CLCN1: variants seen among roughly 807,000 people sequenced by gnomAD.
CLCN1 encodes the protein chloride channel protein 1.
In CLCN1, 100 loss-of-function variants were observed where a neutral mutation model predicts 114.5. The observed-to-expected ratio is 0.87, with a 90% CI of 0.74 to 1.03. CLCN1 has a LOEUF of 1.03. Among genes scored for constraint, CLCN1 ranks in the 50% least tolerant of loss-of-function variants. CLCN1 has a pLI of 0.00. For synonymous variants in CLCN1, 485 were observed against 487.1 expected (o/e 1.00, Z 0.06); for missense variants, 1,188 against 1,250.0 (o/e 0.95, Z 0.75).
chr7:143,337,698 A>G (rs1416538580), intron 12 of CLCN1, among the ~76,000 whole-genome samples: 1 of 150,380 alleles, frequency 6.6e-6, no homozygotes, highest in African/African-American at 2.4e-5. Flanking sequence ...TTTGGAAGGG[A>G]TATATAAACC....
In CLCN1 at chr7:143,324,519, A is replaced by C. The variant is rs1023920012; in HGVS notation, c.853+27A>C. The C allele has an allele frequency of 1.3e-6, 2 of 1,579,958 alleles. No homozygotes were observed. The highest frequency in any genetic ancestry group is 1.3e-5 in the African/African-American group (1 of 74,330). On this transcript the variant is annotated intron_variant, in intron 7 of 22. Coordinates refer to ENST00000343257, the MANE Select transcript of CLCN1 (RefSeq NM_000083.3). The surrounding 1 kb of genome is among the most constrained non-coding windows in gnomAD (Gnocchi z 4.6). ...CAAGTGATTGACCCCCTCCCCCATC[A>C]ATCGGCTTGCCTGGCCTGGCTCCCA... is the stretch of plus-strand genomic sequence containing the variant.
intron 15 of CLCN1, 54 bp from the exon 16 acceptor site, chr7:143,342,318 T>C: frequency 1.2e-6 from 2 of 1,606,424 alleles, no homozygotes; most frequent in South Asian, 1.1e-5. Context: ...ATGGGAGGAA[T>C]GGAAGGGATA....
In CLCN1 at chr7:143,323,770, G is replaced by A. The variant is rs543038825; in HGVS notation, c.774+384G>A. ...TCACCCTACCTCTTACATACGTCCC[G>A]CCTGCCCCACCCCTCCACCCCCTTG... On this transcript the variant is annotated intron_variant, in intron 6 of 22. Transcript: ENST00000343257. 5.4e-5 allele frequency: 26 copies of A among 480,864 alleles called. No individual in the cohort carries two copies. In the East Asian group the frequency reaches 1.3e-3, roughly 23 times the overall value. 29.8% of individuals were successfully genotyped at this position (480,864 alleles called of 1,614,324 possible).
chr7:143,349,214 C>T (rs2116393924), intron 20 of CLCN1, among the ~76,000 whole-genome samples: 1 of 152,346 alleles, frequency 6.6e-6, no homozygotes, highest in South Asian at 2.1e-4. Flanking sequence ...CCTAAATCTT[C>T]TCTACAACAC....
rs567565756 is a variant in CLCN1, at chr7:143,321,231, A to G, written c.434-134A>G. 3 of 1,081,704 alleles carry G rather than the reference A, an allele frequency of 2.8e-6. No individual in the cohort carries two copies. The highest frequency in any genetic ancestry group is 4.0e-5 in the Admixed American group (2 of 50,440). 67.0% of individuals were successfully genotyped at this position (1,081,704 alleles called of 1,614,324 possible). A position where few individuals can be genotyped will look rare whatever the true frequency, so the allele number is the denominator to read the frequency against. On this transcript the variant is annotated intron_variant, in intron 3 of 22. Transcript: ENST00000343257. This position sits in a 1 kb window ranked among gnomAD's most constrained non-coding sequence, Gnocchi z 4.2. ...CATAACTCAGGCTTCCCATGTGTCA[A>G]ATGAGAGCAGCACCATCTCAGAAGG... is the stretch of plus-strand genomic sequence containing the variant.
intron 12 of CLCN1, among the ~76,000 whole-genome samples, chr7:143,337,084 T>TG (rs1192917524): frequency 6.6e-6 from 1 of 152,216 alleles, no homozygotes; most frequent in Non-Finnish European, 1.5e-5. Context: ...TAGCTTCCAG[T>TG]GGGGTCTGGT....
chr7:143,331,508 T>C lies in CLCN1; in HGVS notation c.1065-43T>C, dbSNP rs369352945. The C allele has an allele frequency of 9.9e-6, 14 of 1,411,628 alleles. No individual in the cohort carries two copies. The African/African-American group carries it at 2.0e-4, about 20-fold the overall frequency. 87.4% of individuals were successfully genotyped at this position (1,411,628 alleles called of 1,614,324 possible). A position where few individuals can be genotyped will look rare whatever the true frequency, so the allele number is the denominator to read the frequency against. ...AGTAGTTATGTCCAAGAGATGAGGA[T>C]TTCATGTCTGTAAGATTCCAACTCT... On this transcript the variant is annotated intron_variant, in intron 9 of 22. Transcript: ENST00000343257.
In CLCN1 at chr7:143,324,811, TTATTTTCAAACCTGTTTG is replaced by T. The variant is rs1034538428; in HGVS notation, c.853+324_853+341del. ...AAGGCAGTCTCCGTGGCTCCCCTAC[TTATTTTCAAACCTGTTTG>T]TATTGTTGGATGTTTTTGCCCTACA... On this transcript the variant is annotated intron_variant, in intron 7 of 22. Coordinates refer to ENST00000343257, the MANE Select transcript of CLCN1 (RefSeq NM_000083.3). The surrounding 1 kb of genome is among the most constrained non-coding windows in gnomAD (Gnocchi z 4.6). Among the ~76,000 whole-genome samples, 1 of 152,210 alleles carries T rather than the reference TTATTTTCAAACCTGTTTG, an allele frequency of 6.6e-6. No individual in the cohort carries two copies. Among genetic ancestry groups the T allele is most frequent in the African/African-American group, 2.4e-5 (1 of 41,454 alleles).
intron 1 of CLCN1, among the ~76,000 whole-genome samples, chr7:143,317,966 C>T (rs994635503): frequency 4.6e-5 from 7 of 152,086 alleles, no homozygotes; most frequent in Admixed American, 2.0e-4. Flanking sequence ...TGACAGTTCT[C>T]GTGTTGGGAA....
intron 9 of CLCN1, 88 bp downstream of exon 9, chr7:143,331,404 C>A: frequency 8.5e-7 from 1 of 1,173,800 alleles, no homozygotes; most frequent in Non-Finnish European, 1.3e-6. Flanking sequence ...AAAGAAGGTG[C>A]GGTTGGCACA....
chr7:143,316,168 G>C lies in CLCN1; in HGVS notation c.-45G>C, dbSNP rs1170053084. On this transcript the variant is annotated 5_prime_UTR_variant, in exon 1 of 23. Transcript: ENST00000343257. ...AAGGAGCTACACTGGGGGAAGGACA[G>C]GGGCAAGCAGGCCAAGGCCTGGCCG... 4 of 1,526,220 alleles carry C rather than the reference G, an allele frequency of 2.6e-6. No individual in the cohort carries two copies. Among genetic ancestry groups the C allele is most frequent in the African/African-American group, 2.7e-5 (2 of 73,428 alleles). 94.5% of individuals were successfully genotyped at this position (1,526,220 alleles called of 1,614,324 possible).
chr7:143,349,137 C>T (rs1224953022), intron 20 of CLCN1, among the ~76,000 whole-genome samples: 1 of 152,186 alleles, frequency 6.6e-6, no homozygotes, highest in East Asian at 1.9e-4. Context: ...CACAGATGAT[C>T]ATAGAAAAGA....
At chr7:143,325,737 G>T (rs916156164) in intron 7 of CLCN1, among the ~76,000 whole-genome samples, 5 of 152,154 alleles carry the variant, frequency 3.3e-5, no homozygotes, top group Non-Finnish European at 5.9e-5. Context: ...AAGAGAATTT[G>T]CATTTTCCTC....
intron 16 of CLCN1, among the ~76,000 whole-genome samples, chr7:143,343,144 C>A (rs1803134367): frequency 6.6e-6 from 1 of 152,186 alleles, no homozygotes; most frequent in South Asian, 2.1e-4. Context: ...CCTTATTTCA[C>A]AGATATTGTG....
chr7:143,327,623 AG>A (rs1469449332), intron 7 of CLCN1, among the ~76,000 whole-genome samples: 1 of 152,182 alleles, frequency 6.6e-6, no homozygotes, highest in East Asian at 1.9e-4. Context: ...GAAGAATGGT[AG>A]AAAGTAAAAT....
At chr7:143,349,835 A>G (rs1484889337) in intron 20 of CLCN1, among the ~76,000 whole-genome samples, 1 of 152,232 alleles carries the variant, frequency 6.6e-6, no homozygotes, top group Non-Finnish European at 1.5e-5. Flanking sequence ...GGCCAATGTC[A>G]TTTCTGAAAA....
rs1802532738 is a variant in CLCN1 at position 143,324,647 on chromosome 7, G to C, written c.853+155G>C. On this transcript the variant is annotated intron_variant, in intron 7 of 22. Coordinates refer to ENST00000343257, the MANE Select transcript of CLCN1 (RefSeq NM_000083.3). The surrounding 1 kb of genome is among the most constrained non-coding windows in gnomAD (Gnocchi z 4.6). ...TGCTATGTGCCAGGCAATGTTTAAA[G>C]CACTTACTTTTATTCCTGGCCAAAG... Among the ~76,000 whole-genome samples the C allele has an allele frequency of 6.6e-6, 1 of 152,228 alleles. No individual in the cohort carries two copies. The highest frequency in any genetic ancestry group is 1.5e-5 in the Non-Finnish European group (1 of 68,044).
At chr7:143,347,635 A>C (rs1238957485) in intron 20 of CLCN1, among the ~76,000 whole-genome samples, 12 of 150,516 alleles carry the variant, frequency 8.0e-5, no homozygotes, top group Non-Finnish European at 4.4e-5. Flanking sequence ...AAAAAAAAAA[A>C]AAAAAAAACT....
chr7:143,322,838 G>A (rs1185402510), intron 5 of CLCN1, among the ~76,000 whole-genome samples: 3 of 152,218 alleles, frequency 2.0e-5, no homozygotes, highest in East Asian at 1.9e-4. Flanking sequence ...AACTTCTTGC[G>A]TGGCCTTCGA....
Sources: gnomAD v4.1 joint callset for allele counts (sites outside exome capture counted in the v4.1 genomes callset) on GRCh38, gnomAD v4.1.1 for gene constraint, Gnocchi (gnomAD v3.1) non-coding constraint, MANE v1.5 for transcripts, NCBI Gene and HGNC (gene_info 2026-07-23, HGNC 2026-07-21) for gene names.